The following MYT1L variants were observed in gnomAD, a reference collection of about 807,000 sequenced individuals.
The protein encoded by MYT1L is myelin transcription factor 1-like protein.
A neutral mutation model predicts 126.7 loss-of-function variants in MYT1L; 12 were observed. The observed-to-expected ratio is 0.09, with a 90% CI of 0.06 to 0.15. The LOEUF is 0.15. Ranked by LOEUF, MYT1L falls within the 10% of genes least tolerant of loss-of-function variation. The probability of loss-of-function intolerance (pLI) is 1.00; values close to 1 mark genes in which losing one functional copy is unlikely to be tolerated. For synonymous variants in MYT1L, 541 were observed against 604.2 expected (o/e 0.90, Z 1.53); for missense variants, 979 against 1,585.2 (o/e 0.62, Z 6.49).
intron 3 of MYT1L, among the ~76,000 whole-genome samples, chr2:2,102,940 TAA>T (rs957949514): frequency 6.8e-6 from 1 of 146,096 alleles, no homozygotes; most frequent in African/African-American, 2.5e-5. Context: ...TCATAACACT[TAA>T]AAAAAAAAGC....
At chr2:2,083,192 C>T (rs1315027025) in intron 3 of MYT1L, among the ~76,000 whole-genome samples, 1 of 152,214 alleles carries the variant, frequency 6.6e-6, no homozygotes, top group African/African-American at 2.4e-5. Context: ...TGAAGAAATA[C>T]CTGCCCTTCC....
chr2:1,888,649 T>C (rs543827234), intron 16 of MYT1L, among the ~76,000 whole-genome samples: 3 of 152,242 alleles, frequency 2.0e-5, no homozygotes, highest in Admixed American at 6.5e-5. Flanking sequence ...AAGGGCATTA[T>C]ATCTATTTTA....
rs540647607 is a variant in MYT1L, at chr2:1,912,292, G to A, written c.1619-182C>T. Among the ~76,000 whole-genome samples the A allele has an allele frequency of 1.3e-5, 2 of 151,888 alleles. No individual in the cohort carries two copies. The highest frequency in any genetic ancestry group is 2.9e-5 in the Non-Finnish European group (2 of 67,932). On this transcript the variant is annotated intron_variant, in intron 11 of 24. Transcript: ENST00000647738. This position sits in a 1 kb window ranked among gnomAD's most constrained non-coding sequence, Gnocchi z 4.3. ...AGAAAGAAGGTTGACTGGACCCTAC[G>A]GACCCTACACGAAAGGCCAGAGAAA...
At chr2:2,199,187 A>G (rs1321729864) in intron 2 of MYT1L, among the ~76,000 whole-genome samples, 2 of 152,246 alleles carry the variant, frequency 1.3e-5, no homozygotes, top group African/African-American at 4.8e-5. Flanking sequence ...TTAATAACAA[A>G]GTAAAGTGTG....
chr2:1,866,761 G>A (rs2045598494), intron 18 of MYT1L, among the ~76,000 whole-genome samples: 1 of 96,998 alleles, frequency 1.0e-5, no homozygotes, highest in Non-Finnish European at 2.2e-5. Flanking sequence ...GAGGGAGGGG[G>A]AGAGAGGCAG....
intron 2 of MYT1L, among the ~76,000 whole-genome samples, chr2:2,264,866 C>T (rs2095082250): frequency 6.6e-6 from 1 of 152,106 alleles, no homozygotes. Flanking sequence ...AAGCACTTCT[C>T]ATGGCAAAAT....
chr2:1,980,329 C>T (rs1300459193), intron 5 of MYT1L, among the ~76,000 whole-genome samples: 2 of 147,560 alleles, frequency 1.4e-5, no homozygotes, highest in Non-Finnish European at 3.0e-5. Flanking sequence ...TATATACACA[C>T]ACACATATAT....
intron 2 of MYT1L, among the ~76,000 whole-genome samples, chr2:2,233,092 G>T (rs1401569759): frequency 2.0e-5 from 3 of 152,172 alleles, no homozygotes; most frequent in African/African-American, 7.2e-5. Flanking sequence ...CCTGAAGGTA[G>T]CAGGTGCTCA....
chr2:1,884,849 C>G (rs777703012), intron 18 of MYT1L, among the ~76,000 whole-genome samples: 1 of 152,176 alleles, frequency 6.6e-6, no homozygotes, highest in African/African-American at 2.4e-5. Context: ...AAGAGCTAAC[C>G]GGCTCCCTCG....
intron 4 of MYT1L, among the ~76,000 whole-genome samples, chr2:2,001,336 T>C (rs2062378187): frequency 2.6e-5 from 4 of 151,544 alleles, no homozygotes; most frequent in Non-Finnish European, 5.9e-5. Flanking sequence ...GCACTTTAAA[T>C]TTTCAGTACT....
intron 8 of MYT1L, among the ~76,000 whole-genome samples, chr2:1,951,584 G>T (rs1273448526): frequency 6.6e-6 from 1 of 152,184 alleles, no homozygotes; most frequent in Non-Finnish European, 1.5e-5. Flanking sequence ...AGTAATATCA[G>T]CACAAGGTCT....
chr2:2,001,370 G>A (rs189571220), intron 4 of MYT1L, among the ~76,000 whole-genome samples: 1 of 151,230 alleles, frequency 6.6e-6, no homozygotes, highest in African/African-American at 2.4e-5. Context: ...TCAAAATTAG[G>A]TTTTGTCACA....
chr2:1,998,211 TC>T (rs2062038258), intron 4 of MYT1L, among the ~76,000 whole-genome samples: 1 of 152,144 alleles, frequency 6.6e-6, no homozygotes. Flanking sequence ...TGCTTCTTGC[TC>T]TCCAGGGTTG....
chr2:2,003,253 C>T (rs1218768425), intron 4 of MYT1L, among the ~76,000 whole-genome samples: 1 of 152,128 alleles, frequency 6.6e-6, no homozygotes, highest in Non-Finnish European at 1.5e-5. Context: ...ACACTTCCTG[C>T]CAAAGGCTTT....
At chr2:2,205,459 G>C (rs908890715) in intron 2 of MYT1L, among the ~76,000 whole-genome samples, 5 of 151,980 alleles carry the variant, frequency 3.3e-5, no homozygotes, top group Non-Finnish European at 5.9e-5. Context: ...TTATGTTTTT[G>C]ATTTGAAAGA....
At chr2:2,310,753 A>C (rs1378291054) in intron 1 of MYT1L, among the ~76,000 whole-genome samples, 4 of 152,144 alleles carry the variant, frequency 2.6e-5, no homozygotes, top group African/African-American at 9.7e-5. Context: ...GTTATCTATA[A>C]ATTTGTCTTT....
chr2:2,195,938 C>T (rs1310949640), intron 2 of MYT1L, among the ~76,000 whole-genome samples: 2 of 151,870 alleles, frequency 1.3e-5, no homozygotes, highest in Non-Finnish European at 2.9e-5. Flanking sequence ...ACATGCAAAA[C>T]AGGAGTCCCA....
rs374377708 is a variant in MYT1L, at chr2:2,152,559, C to T, written c.-304+20313G>A. ...CTGCAGGAGACGATTACATGGTTAACGACAGAGTGAATGGAACAATGTCAT... is the reference window on the plus strand; with the variant it reads ...CTGCAGGAGACGATTACATGGTTAATGACAGAGTGAATGGAACAATGTCAT... On this transcript the variant is annotated intron_variant, in intron 3 of 24. Coordinates refer to ENST00000647738, the MANE Select transcript of MYT1L (RefSeq NM_001303052.2). 9.9e-5 allele frequency among the ~76,000 whole-genome samples: 15 copies of T among 152,144 alleles called. No individual in the cohort carries two copies. The East Asian group carries it at 2.3e-3, about 24-fold the overall frequency.
intron 4 of MYT1L, among the ~76,000 whole-genome samples, chr2:2,003,990 C>CAGGCATTCTTTCCTGCATAT (rs1558693998): frequency 2.0e-5 from 3 of 150,280 alleles, no homozygotes; most frequent in Admixed American, 6.6e-5. Flanking sequence ...TTCCTGCAAG[C>CAGGCATTCTTTCCTGCATAT]GTTCTTTCCT....
Sources: allele counts gnomAD v4.1 joint callset (sites outside exome capture counted in the v4.1 genomes callset), GRCh38; gene constraint gnomAD v4.1.1; non-coding constraint Gnocchi (gnomAD v3.1); transcripts MANE v1.5; gene names NCBI Gene and HGNC (gene_info 2026-07-23, HGNC 2026-07-21).